EIF3H: variants seen among roughly 807,000 people sequenced by gnomAD.
EIF3H encodes the protein eIF-3-gamma.
In EIF3H, 26 loss-of-function variants were observed where a neutral mutation model predicts 44.2. That is an observed-to-expected ratio of 0.59 (90% CI 0.43 to 0.82). EIF3H has a LOEUF of 0.82. Among genes scored for constraint, EIF3H ranks in the 40% least tolerant of loss-of-function variants. The pLI, the probability that EIF3H is intolerant of heterozygous loss-of-function variation, is 0.00. For synonymous variants in EIF3H, 166 were observed against 151.9 expected, an observed-to-expected ratio of 1.09 and a Z score of -0.68; for missense variants, 359 against 432.8, an observed-to-expected ratio of 0.83 and a Z score of 1.51.
Position 116,645,084 on chromosome 8 carries a change from G to A in EIF3H, c.981C>T (p.Cys327=), listed in dbSNP as rs759668688. 5.0e-6 allele frequency: 8 copies of A among 1,613,984 alleles called. No homozygotes were observed. Among genetic ancestry groups the A allele is most frequent in the Non-Finnish European group, 8.5e-7 (1 of 1,179,900 alleles). The change falls in exon 8 of 8, where the codon TGC becomes TGT. Residue 327 remains cysteine, a synonymous_variant. Transcript: ENST00000521861. ...GGGCAGTGAACTCCTTGATGTTCTGGCAGTAAGTGTTTATCTGGCCTGTGC... is the reference window on the plus strand; with the variant it reads ...GGGCAGTGAACTCCTTGATGTTCTGACAGTAAGTGTTTATCTGGCCTGTGC... The part of the protein sequence containing the change: ...LLIAGQINTY[C]QNIKEFTAQN...
chr8:116,735,912 C>T (rs1390224424), intron 1 of EIF3H, among the ~76,000 whole-genome samples: 1 of 152,080 alleles, frequency 6.6e-6, no homozygotes. Context: ...CAATCCATCA[C>T]ATGAAGTCAG....
intron 1 of EIF3H, among the ~76,000 whole-genome samples, chr8:116,751,428 T>C (rs1815341549): frequency 6.6e-6 from 1 of 152,234 alleles, no homozygotes; most frequent in Non-Finnish European, 1.5e-5. Context: ...GCATAGTCCC[T>C]GCCCTCAGTA....
chr8:116,684,786 T>C (rs1406126468), intron 2 of EIF3H, among the ~76,000 whole-genome samples: 1 of 152,188 alleles, frequency 6.6e-6, no homozygotes, highest in African/African-American at 2.4e-5. Flanking sequence ...TTTACAGTGT[T>C]TATAAATCAA....
chr8:116,737,840 G>A (rs1473450862), intron 1 of EIF3H: 1 of 152,730 alleles, frequency 6.5e-6, no homozygotes, highest in African/African-American at 2.4e-5. Flanking sequence ...TTCGAGACCA[G>A]CCTGGGCAAC....
chr8:116,703,323 G>A (rs1225789903), intron 2 of EIF3H, among the ~76,000 whole-genome samples: 1 of 152,018 alleles, frequency 6.6e-6, no homozygotes, highest in Non-Finnish European at 1.5e-5. Context: ...GCCAATGCCT[G>A]GGAAGCACCC....
chr8:116,693,062 T>C (rs1446496256), intron 2 of EIF3H, among the ~76,000 whole-genome samples: 2 of 152,186 alleles, frequency 1.3e-5, no homozygotes, highest in African/African-American at 4.8e-5. Flanking sequence ...TCAAAGTTCA[T>C]ATCCTGAAAA....
At chr8:116,732,913 A>G (rs1814976310) in intron 1 of EIF3H, among the ~76,000 whole-genome samples, 1 of 152,136 alleles carries the variant, frequency 6.6e-6, no homozygotes, top group East Asian at 1.9e-4. Flanking sequence ...TGGGTATCTT[A>G]CAATTTAATT....
At chr8:116,750,094 TATA>T in intron 1 of EIF3H, among the ~76,000 whole-genome samples, 1 of 152,410 alleles carries the variant, frequency 6.6e-6, no homozygotes, top group South Asian at 2.1e-4. Context: ...TGCTCACCTA[TATA>T]ATATCTTATA....
chr8:116,750,403 CTTTTTTT>C (rs771136977), intron 1 of EIF3H, among the ~76,000 whole-genome samples: 3 of 129,714 alleles, frequency 2.3e-5, no homozygotes, highest in South Asian at 2.4e-4. Flanking sequence ...TTTAGCATGA[CTTTTTTT>C]TTTTTTTTTT....
At chr8:116,683,406 G>A (rs568878829) in intron 2 of EIF3H, among the ~76,000 whole-genome samples, 88 of 152,262 alleles carry the variant, frequency 5.8e-4, no homozygotes, top group African/African-American at 1.7e-3. Context: ...TCAGGTGGCA[G>A]AAGGAAGAGT....
intron 2 of EIF3H, among the ~76,000 whole-genome samples, chr8:116,691,224 C>G (rs1814168043): frequency 6.6e-6 from 1 of 152,196 alleles, no homozygotes; most frequent in Admixed American, 6.5e-5. Context: ...ACTGCATCCA[C>G]AAGAAACACA....
intron 5 of EIF3H, among the ~76,000 whole-genome samples, chr8:116,654,956 A>G (rs1221213441): frequency 6.6e-6 from 1 of 151,994 alleles, no homozygotes; most frequent in East Asian, 1.9e-4. Context: ...AAATCTGATA[A>G]ATAATTTAGT....
chr8:116,734,320 GAGAACTGA>G (rs1413891632), intron 1 of EIF3H: 1 of 456,070 alleles, frequency 2.2e-6, no homozygotes, highest in Admixed American at 2.3e-5. Flanking sequence ...TACCTGACCA[GAGAACTGA>G]AGAACAAGCC....
At chr8:116,706,503 T>C (rs1371425013) in intron 2 of EIF3H, among the ~76,000 whole-genome samples, 1 of 152,198 alleles carries the variant, frequency 6.6e-6, no homozygotes, top group African/African-American at 2.4e-5. Flanking sequence ...CAATAAATTA[T>C]GTGAGATATT....
chr8:116,738,217 T>TAG (rs1179237073), intron 1 of EIF3H, among the ~76,000 whole-genome samples: 3 of 152,150 alleles, frequency 2.0e-5, no homozygotes, highest in African/African-American at 7.2e-5. Context: ...TTTCACAAAA[T>TAG]AGAACAAACT....
intron 2 of EIF3H, chr8:116,689,261 A>G (rs1394662893): frequency 3.5e-6 from 1 of 285,370 alleles, no homozygotes; most frequent in East Asian, 1.0e-4. Flanking sequence ...ATTTGAGGAT[A>G]CCAGAGACTG....
chr8:116,674,689 T>C (rs1654001645), intron 2 of EIF3H, among the ~76,000 whole-genome samples: 1 of 152,242 alleles, frequency 6.6e-6, no homozygotes, highest in African/African-American at 2.4e-5. Context: ...ATGTGACTGA[T>C]ATTGACCAGT....
At chr8:116,689,174 G>C in intron 2 of EIF3H, 1 of 421,142 alleles carries the variant, frequency 2.4e-6, no homozygotes. Context: ...ATAAGTCAGA[G>C]ACAAAAGGAC....
intron 2 of EIF3H, among the ~76,000 whole-genome samples, chr8:116,704,893 C>G (rs570563024): frequency 3.3e-5 from 5 of 151,832 alleles, no homozygotes; most frequent in African/African-American, 9.7e-5. Flanking sequence ...GTAGCTCTCA[C>G]GTTGACAGTG....
Sources: allele counts gnomAD v4.1 joint callset (sites outside exome capture counted in the v4.1 genomes callset), GRCh38; gene constraint gnomAD v4.1.1; transcripts MANE v1.5; gene names NCBI Gene and HGNC (gene_info 2026-07-23, HGNC 2026-07-21).